The following SLC7A7 variants were observed in gnomAD, a reference collection of about 807,000 sequenced individuals.
The protein encoded by SLC7A7 is solute carrier family 7 member 7.
Under a neutral mutation model 47.9 loss-of-function variants are expected in SLC7A7, and 39 were observed. The observed-to-expected ratio is 0.81, with a 90% CI of 0.63 to 1.06. The LOEUF (loss-of-function observed/expected upper bound fraction) is 1.06. Among genes scored for constraint, SLC7A7 ranks in the 50% least tolerant of loss-of-function variants. SLC7A7 has a pLI of 0.00. For synonymous variants in SLC7A7, 234 were observed against 242.8 expected, an observed-to-expected ratio of 0.96 and a Z score of 0.34; for missense variants, 588 against 632.0, an observed-to-expected ratio of 0.93 and a Z score of 0.75.
At position 22,773,548 on chromosome 14, in the gene SLC7A7, TC is replaced by T. The variant is rs1293823028; in HGVS notation, c.*61del. On this transcript the variant is annotated 3_prime_UTR_variant, in exon 10 of 10. Transcript: ENST00000674313. Reference sequence around the variant, plus strand: ...AAGAAGTGAGCTTTCCTTTTCAACTTCCTTAGCTCTAGCCAGTAGACCAGAA... The same window carrying T: ...AAGAAGTGAGCTTTCCTTTTCAACTTCTTAGCTCTAGCCAGTAGACCAGAA... 2 of 1,442,346 alleles carry T rather than the reference TC, an allele frequency of 1.4e-6. No individual in the cohort carries two copies. Among genetic ancestry groups the T allele is most frequent in the East Asian group, 2.3e-5 (1 of 44,092 alleles). 89.3% of individuals were successfully genotyped at this position (1,442,346 alleles called of 1,614,324 possible).
Position 22,813,047 on chromosome 14 carries a change from T to A in SLC7A7, c.352A>T (p.Ile118Phe), listed in dbSNP as rs750589845. Residue 118 changes from isoleucine to phenylalanine, a missense_variant, in exon 2 of 10, where the codon ATC becomes TTC. Physicochemically the swap from Ile to Phe is conservative, Grantham distance 21 (BLOSUM62 0). Coordinates refer to ENST00000674313, the MANE Select transcript of SLC7A7 (RefSeq NM_003982.4). ...ATGAGCAGGGAGGTCCAGAGTCTGA[T>A]GAAAGCAAGGAATCCTCCAAAGGCC... ...LEAFGGFLAF[I>F]RLWTSLLIIE... 7 of 1,613,886 alleles carry A rather than the reference T, an allele frequency of 4.3e-6. No homozygotes were observed. Among genetic ancestry groups the A allele is most frequent in the Middle Eastern group, 1.6e-4 (1 of 6,084 alleles).
intron 2 of SLC7A7, among the ~76,000 whole-genome samples, chr14:22,799,469 T>G (rs2039074566): frequency 6.9e-6 from 1 of 144,250 alleles, no homozygotes; most frequent in Admixed American, 6.9e-5. Context: ...TTTTTTTTTT[T>G]TTTGAGACAG....
At chr14:22,777,976 G>A (rs1453421834) in intron 4 of SLC7A7, among the ~76,000 whole-genome samples, 1 of 152,180 alleles carries the variant, frequency 6.6e-6, no homozygotes, top group Non-Finnish European at 1.5e-5. Context: ...TTGGGAGGCT[G>A]AAGCAGGAGA....
At chr14:22,787,246 G>C (rs935513194) in intron 2 of SLC7A7, among the ~76,000 whole-genome samples, 1 of 151,932 alleles carries the variant, frequency 6.6e-6, no homozygotes, top group Non-Finnish European at 1.5e-5. Flanking sequence ...GACCAGGTTG[G>C]CCAACATAGT....
chr14:22,785,885 G>C (rs889422058), intron 2 of SLC7A7, among the ~76,000 whole-genome samples: 1 of 151,974 alleles, frequency 6.6e-6, no homozygotes, highest in Non-Finnish European at 1.5e-5. Flanking sequence ...AGCCGGGTGT[G>C]GTGGCAGGCG....
At chr14:22,804,999 C>T (rs2039176691) in intron 2 of SLC7A7, among the ~76,000 whole-genome samples, 1 of 152,016 alleles carries the variant, frequency 6.6e-6, no homozygotes, top group Non-Finnish European at 1.5e-5. Context: ...AAGAGTGAAA[C>T]TTCGTCTCAA....
intron 2 of SLC7A7, among the ~76,000 whole-genome samples, chr14:22,791,907 T>C (rs899570388): frequency 3.4e-5 from 5 of 148,702 alleles, no homozygotes; most frequent in African/African-American, 1.2e-4. Context: ...CCATCTCGGC[T>C]CACTGCAAGC....
chr14:22,773,715 C>T lies in SLC7A7; in HGVS notation c.1431G>A (p.Gly477=), dbSNP rs201993411. 184 of 1,613,950 alleles carry T rather than the reference C, an allele frequency of 1.1e-4. No homozygotes were observed. The highest frequency in any genetic ancestry group is 1.5e-4 in the Non-Finnish European group (175 of 1,179,980). ...KRPLYLRRIV[G]SATRYLQVLC... ...GGACCTGGAGGTACCTTGTGGCAGA[C>T]CCTACAAAGAGAACTTTGAGTTGGA... The change falls in exon 10 of 10, where the codon GGG becomes GGA. Residue 477 remains glycine (G), a splice_region_variant and synonymous_variant. Coordinates refer to ENST00000674313, the MANE Select transcript of SLC7A7 (RefSeq NM_003982.4).
At chr14:22,797,270 C>T (rs1198630170) in intron 2 of SLC7A7, among the ~76,000 whole-genome samples, 1 of 152,062 alleles carries the variant, frequency 6.6e-6, no homozygotes, top group South Asian at 2.1e-4. Context: ...TGGGGCAGTC[C>T]ACGAATTTCT....
At chr14:22,805,751 A>C (rs1247947341) in intron 2 of SLC7A7, among the ~76,000 whole-genome samples, 1 of 152,230 alleles carries the variant, frequency 6.6e-6, no homozygotes, top group Non-Finnish European at 1.5e-5. Flanking sequence ...CACATCCTGC[A>C]CATGTGCCCT....
chr14:22,780,778 G>A (rs1442129337), intron 2 of SLC7A7, among the ~76,000 whole-genome samples: 1 of 152,128 alleles, frequency 6.6e-6, no homozygotes, highest in African/African-American at 2.4e-5. Context: ...CATGAGGCTC[G>A]AAATTCTCTT....
At chr14:22,817,252 T>A (rs1486117098), upstream of SLC7A7, 1 of 255,700 alleles carries the variant, frequency 3.9e-6, no homozygotes, top group Non-Finnish European at 8.0e-6. Context: ...TTCAAGCAAT[T>A]CTCATGCATC....
At chr14:22,815,003 T>C (rs2039383528) in intron 1 of SLC7A7, 1 of 237,648 alleles carries the variant, frequency 4.2e-6, no homozygotes, top group African/African-American at 2.2e-5. Context: ...AAAGTATGAA[T>C]GAGAGAAGGG....
In SLC7A7 at chr14:22,776,461, G is replaced by A. The variant is rs976046114; in HGVS notation, c.771-143C>T. ...TTTCCTCAATGCATTTGTCTTTGACGGTGCCCTGGATAGTGGCTGAAGCTC... is the reference window on the plus strand; with the variant it reads ...TTTCCTCAATGCATTTGTCTTTGACAGTGCCCTGGATAGTGGCTGAAGCTC... On this transcript the variant is annotated intron_variant, in intron 4 of 9. Transcript: ENST00000674313. 6 of 1,076,442 alleles carry A rather than the reference G, an allele frequency of 5.6e-6. No individual in the cohort carries two copies. The African/African-American group carries it at 6.2e-5, about 11-fold the overall frequency. The allele number at this position is 1,076,442 out of a possible 1,614,324, so 66.7% of individuals were successfully genotyped here. A position where few individuals can be genotyped will look rare whatever the true frequency, so the allele number is the denominator to read the frequency against.
chr14:22,800,047 G>A (rs1165194460), intron 2 of SLC7A7, among the ~76,000 whole-genome samples: 2 of 152,112 alleles, frequency 1.3e-5, no homozygotes, highest in African/African-American at 2.4e-5. Flanking sequence ...CATAGTCCAA[G>A]TCTTAAGTCT....
chr14:22,776,046 G>C (rs1189419086), intron 5 of SLC7A7, 110 bp from the exon 6 acceptor site: 87 of 1,416,044 alleles, frequency 6.1e-5, no homozygotes, highest in Non-Finnish European at 8.6e-5. Context: ...TTCTTCCACA[G>C]TGGGGTTAAC....
Position 22,779,956 on chromosome 14 carries a change from T to C in SLC7A7, c.595A>G (p.Ile199Val), listed in dbSNP as rs779266344. 2.9e-5 allele frequency: 47 copies of C among 1,614,210 alleles called. 1 individual carries two copies. The South Asian group carries it at 4.9e-4, about 17-fold the overall frequency. The change falls in exon 3 of 10, where the codon ATC becomes GTC. Residue 199 changes from isoleucine (I) to valine (V), a missense_variant. Transcript: ENST00000674313. Reference protein sequence around the residue: ...YAKVLALIAVIVAGIVRLGQG... With the variant: ...YAKVLALIAVVVAGIVRLGQG... ...CCAAGTCTAACAATGCCTGCAACGA[T>C]GACCGCGATCAGTGCCAATACTTTA...
intron 2 of SLC7A7, among the ~76,000 whole-genome samples, chr14:22,788,029 C>T (rs970004903): frequency 3.3e-4 from 49 of 146,834 alleles, no homozygotes; most frequent in African/African-American, 1.0e-3. Context: ...GCCGAGATCG[C>T]GCCACCGCAC....
intron 1 of SLC7A7, among the ~76,000 whole-genome samples, chr14:22,813,876 C>T (rs112986966): frequency 0.1 from 14,924 of 145,726 alleles, 1,058 homozygotes; most frequent in East Asian, 0.38. Flanking sequence ...CTGCAACCTC[C>T]GCCTCCCGGG....
Sources: gnomAD v4.1 joint callset for allele counts (sites outside exome capture counted in the v4.1 genomes callset) on GRCh38, gnomAD v4.1.1 for gene constraint, MANE v1.5 for transcripts, NCBI Gene and HGNC (gene_info 2026-07-23, HGNC 2026-07-21) for gene names.